HPCAL1: variants seen among roughly 807,000 people sequenced by gnomAD.
HPCAL1 encodes the protein hippocalcin like 1.
A neutral mutation model predicts 17.1 loss-of-function variants in HPCAL1; 8 were observed. The observed-to-expected ratio is 0.47, with a 90% CI of 0.27 to 0.84. The LOEUF is 0.84. HPCAL1 is among the 40% of genes least tolerant of loss of function. The pLI is 0.13. For missense variants in HPCAL1, 165 were observed against 271.1 expected (o/e 0.61, Z 2.75); for synonymous variants, 112 against 111.4 (o/e 1.01, Z -0.03).
Position 10,426,829 on chromosome 2 carries a change from G to C in HPCAL1, c.*8G>C. The C allele has an allele frequency of 6.2e-7, 1 of 1,610,202 alleles. No homozygotes were observed. Among genetic ancestry groups the C allele is most frequent in the African/African-American group, 1.3e-5 (1 of 74,980 alleles). ...AGTGCCAGTCAGTTCTGAGCGAGCGGCCCCTGGACAGTTGCAGAGAAACAC... is the reference window on the plus strand; with the variant it reads ...AGTGCCAGTCAGTTCTGAGCGAGCGCCCCCTGGACAGTTGCAGAGAAACAC... On this transcript the variant is annotated 3_prime_UTR_variant, in exon 5 of 5. Coordinates refer to ENST00000307845, the MANE Select transcript of HPCAL1 (RefSeq NM_002149.4).
intron 1 of HPCAL1, chr2:10,324,234 G>A (rs1663847674): frequency 6.6e-6 from 1 of 152,226 alleles, no homozygotes; most frequent in South Asian, 2.1e-4. Context: ...CAGAGGTTGT[G>A]GAAATGCCAA....
rs769377432 is a variant in HPCAL1 at position 10,365,896 on chromosome 2, C to T, written c.-110-30939C>T. ...GTGCTGAGCCCACACCGCATGTCCT[C>T]GGCCTCCCATTGAGATCAGCTATAC... On this transcript the variant is annotated intron_variant, in intron 1 of 4. Transcript: ENST00000307845. This position sits in a 1 kb window ranked among gnomAD's most constrained non-coding sequence, Gnocchi z 4.8. Among the ~76,000 whole-genome samples, 2 of 152,188 alleles carry T rather than the reference C, an allele frequency of 1.3e-5. No homozygotes were observed. The highest frequency in any genetic ancestry group is 6.5e-5 in the Admixed American group (1 of 15,288).
chr2:10,307,923 C>T (rs1662726428), intron 1 of HPCAL1, among the ~76,000 whole-genome samples: 1 of 152,224 alleles, frequency 6.6e-6, no homozygotes, highest in Non-Finnish European at 1.5e-5. Flanking sequence ...TCTCTTAACG[C>T]AGTAAGTGCT....
In HPCAL1 at chr2:10,419,914, G is replaced by A. The variant is rs375884714; in HGVS notation, c.157G>A (p.Ala53Thr). 249 of 1,613,674 alleles carry A rather than the reference G, an allele frequency of 1.5e-4. No homozygotes were observed. The highest frequency in any genetic ancestry group is 2.5e-4 in the Admixed American group (15 of 59,990). ...CGTGGACGAGTTCAAGAAGATCTACGCCAACTTCTTCCCCTACGGCGACGC... is the reference window on the plus strand; with the variant it reads ...CGTGGACGAGTTCAAGAAGATCTACACCAACTTCTTCCCCTACGGCGACGC... ...LTVDEFKKIY[A>T]NFFPYGDASK... Residue 53 changes from alanine (A) to threonine (T), a missense_variant, in exon 3 of 5, where the codon GCC becomes ACC. Ala to Thr is a moderately conservative substitution (Grantham distance 58). Transcript: ENST00000307845. The surrounding 1 kb of genome is among the most constrained non-coding windows in gnomAD (Gnocchi z 5.0).
rs188498059 is a variant in HPCAL1, at chr2:10,363,905, G to A, written c.-110-32930G>A. Reference sequence around the variant, plus strand: ...CGGGGTTGCCTGCCTTCTGGTAAGCGTTTAGTGCCCTGAGCCGACTCAGCT... The same window carrying A: ...CGGGGTTGCCTGCCTTCTGGTAAGCATTTAGTGCCCTGAGCCGACTCAGCT... On this transcript the variant is annotated intron_variant, in intron 1 of 4. Coordinates refer to ENST00000307845, the MANE Select transcript of HPCAL1 (RefSeq NM_002149.4). This position sits in a 1 kb window ranked among gnomAD's most constrained non-coding sequence, Gnocchi z 4.7. Among the ~76,000 whole-genome samples the A allele has an allele frequency of 1.4e-4, 21 of 152,348 alleles. No homozygotes were observed. In the East Asian group the frequency reaches 2.9e-3, roughly 21 times the overall value.
intron 1 of HPCAL1, among the ~76,000 whole-genome samples, chr2:10,370,267 C>T (rs1056637004): frequency 3.9e-5 from 6 of 152,260 alleles, no homozygotes; most frequent in African/African-American, 1.4e-4. Flanking sequence ...GCAGGTGGGA[C>T]ACCTGTGTAT....
chr2:10,366,270 C>G (rs2125499516), intron 1 of HPCAL1, among the ~76,000 whole-genome samples: 1 of 152,306 alleles, frequency 6.6e-6, no homozygotes, highest in Non-Finnish European at 1.5e-5. Flanking sequence ...AGTTCTCGCT[C>G]TGTCGCCCAG....
chr2:10,389,333 C>T (rs751266715), intron 1 of HPCAL1, among the ~76,000 whole-genome samples: 3 of 152,226 alleles, frequency 2.0e-5, no homozygotes, highest in Admixed American at 6.5e-5. Flanking sequence ...AGCCCTGCCC[C>T]GCAAGGAACA....
chr2:10,410,271 A>G (rs1670265172), intron 2 of HPCAL1, among the ~76,000 whole-genome samples: 1 of 152,104 alleles, frequency 6.6e-6, no homozygotes, highest in Non-Finnish European at 1.5e-5. Context: ...TTAACAGGAC[A>G]ATCAAGCCCT....
At chr2:10,305,269 C>T (rs997015807) in intron 1 of HPCAL1, among the ~76,000 whole-genome samples, 3 of 152,104 alleles carry the variant, frequency 2.0e-5, no homozygotes, top group African/African-American at 4.8e-5. Flanking sequence ...GCTCAGAAGA[C>T]AGACCCAAAC....
In HPCAL1 at chr2:10,343,030, C is replaced by CAA. The variant is rs1377697828; in HGVS notation, c.-111+39854_-111+39855dup. On this transcript the variant is annotated intron_variant, in intron 1 of 4. Coordinates refer to ENST00000307845, the MANE Select transcript of HPCAL1 (RefSeq NM_002149.4). The surrounding 1 kb of genome is among the most constrained non-coding windows in gnomAD (Gnocchi z 4.8). ...TGCCAGCTGTTGCAAGTTTTAAACTCAATGTGCCTCTGGATGTGTGTGTAG... is the reference window on the plus strand; with the variant it reads ...TGCCAGCTGTTGCAAGTTTTAAACTCAAAATGTGCCTCTGGATGTGTGTGTAG... 6.6e-6 allele frequency among the ~76,000 whole-genome samples: 1 copy of CAA among 152,214 alleles called. No individual in the cohort carries two copies. Among genetic ancestry groups the CAA allele is most frequent in the Non-Finnish European group, 1.5e-5 (1 of 68,046 alleles).
intron 1 of HPCAL1, among the ~76,000 whole-genome samples, chr2:10,328,300 A>G (rs1327784547): frequency 6.6e-6 from 1 of 152,206 alleles, no homozygotes; most frequent in African/African-American, 2.4e-5. Context: ...CTGAACCCCA[A>G]CCTGGAGTGG....
chr2:10,394,127 CAAACA>C lies in HPCAL1; in HGVS notation c.-110-2704_-110-2700del, dbSNP rs1225973147. Among the ~76,000 whole-genome samples, 4 of 84,272 alleles carry C rather than the reference CAAACA, an allele frequency of 4.7e-5. No homozygotes were observed. The highest frequency in any genetic ancestry group is 2.3e-4 in the African/African-American group (4 of 17,260). 55.3% of individuals were successfully genotyped at this position (84,272 alleles called of 152,430 possible). Reference sequence around the variant, plus strand: ...GAGATCCTGTCTCCTGAAAAACAAACAAACAAAAAAAAAACCTTGTAACTAACCAG... The same window carrying C: ...GAGATCCTGTCTCCTGAAAAACAAACAAAAAAAAACCTTGTAACTAACCAG... On this transcript the variant is annotated intron_variant, in intron 1 of 4. Transcript: ENST00000307845. This position sits in a 1 kb window ranked among gnomAD's most constrained non-coding sequence, Gnocchi z 5.0.
In HPCAL1 at chr2:10,395,304, ACT is replaced by A. The variant is rs1271956932; in HGVS notation, c.-110-1528_-110-1527del. 6.6e-6 allele frequency among the ~76,000 whole-genome samples: 1 copy of A among 151,964 alleles called. No homozygotes were observed. The highest frequency in any genetic ancestry group is 1.9e-4 in the East Asian group (1 of 5,178). ...ATATTTGGGAAACAGTAGAAATTTA[ACT>A]CTGAGCAAGATACACCCTATTTCCA... On this transcript the variant is annotated intron_variant, in intron 1 of 4. Coordinates refer to ENST00000307845, the MANE Select transcript of HPCAL1 (RefSeq NM_002149.4). The surrounding 1 kb of genome is among the most constrained non-coding windows in gnomAD (Gnocchi z 4.4).
chr2:10,366,746 T>C lies in HPCAL1; in HGVS notation c.-110-30089T>C, dbSNP rs545773769. ...CCCCAGCCCCGGGCTTCCTGCATTG[T>C]GTGCTTCCACTCCCGTCTTCTCCAC... On this transcript the variant is annotated intron_variant, in intron 1 of 4. Coordinates refer to ENST00000307845, the MANE Select transcript of HPCAL1 (RefSeq NM_002149.4). 1.7e-3 allele frequency among the ~76,000 whole-genome samples: 260 copies of C among 152,326 alleles called. 1 individual carries two copies. The highest frequency in any genetic ancestry group is 5.0e-3 in the African/African-American group (208 of 41,582).
rs185414248 is a variant in HPCAL1 at position 10,344,363 on chromosome 2, C to T, written c.-111+41186C>T. 2.0e-5 allele frequency among the ~76,000 whole-genome samples: 3 copies of T among 152,280 alleles called. No individual in the cohort carries two copies. Among genetic ancestry groups the T allele is most frequent in the Non-Finnish European group, 2.9e-5 (2 of 68,026 alleles). On this transcript the variant is annotated intron_variant, in intron 1 of 4. Transcript: ENST00000307845. This position sits in a 1 kb window ranked among gnomAD's most constrained non-coding sequence, Gnocchi z 4.9. ...GGCCATGTGCCAGCAAGGGGGGCCC[C>T]GAAGTGCCGCTAGGTGCCTCACGAT... is the stretch of plus-strand genomic sequence containing the variant.
chr2:10,317,440 C>T (rs1480986409), intron 1 of HPCAL1, among the ~76,000 whole-genome samples: 1 of 143,544 alleles, frequency 7.0e-6, no homozygotes, highest in Non-Finnish European at 1.5e-5. Context: ...TTTTTTGAGA[C>T]AGGGTCTCAG....
intron 2 of HPCAL1, among the ~76,000 whole-genome samples, chr2:10,401,567 A>G (rs1669615565): frequency 6.6e-6 from 1 of 152,004 alleles, no homozygotes; most frequent in South Asian, 2.1e-4. Flanking sequence ...GGATCTGCAG[A>G]GGATTTGGAA....
chr2:10,376,127 A>G (rs979616329), intron 1 of HPCAL1, among the ~76,000 whole-genome samples: 2 of 152,108 alleles, frequency 1.3e-5, no homozygotes, highest in African/African-American at 2.4e-5. Context: ...ATCGCCTCCC[A>G]CCATGATCGT....
Sources: allele counts gnomAD v4.1 joint callset (sites outside exome capture counted in the v4.1 genomes callset), GRCh38; gene constraint gnomAD v4.1.1; non-coding constraint Gnocchi (gnomAD v3.1); transcripts MANE v1.5; gene names NCBI Gene and HGNC (gene_info 2026-07-23, HGNC 2026-07-21).